The following TTLL11 variants were observed in gnomAD, a reference collection of about 807,000 sequenced individuals.
TTLL11 encodes the protein tubulin polyglutamylase TTLL11.
TTLL11 carries 42 observed loss-of-function variants against 51.7 expected under a neutral mutation model. The observed-to-expected ratio is 0.81, with a 90% CI of 0.64 to 1.05. The LOEUF is 1.05. TTLL11 is among the 50% of genes least tolerant of loss of function. The pLI is 0.00. For missense variants in TTLL11, 799 were observed against 940.4 expected, an observed-to-expected ratio of 0.85 and a Z score of 1.97; for synonymous variants, 381 against 383.5, an observed-to-expected ratio of 0.99 and a Z score of 0.08.
At chr9:122,042,190 T>C (rs751614513) in intron 1 of TTLL11, among the ~76,000 whole-genome samples, 1 of 152,208 alleles carries the variant, frequency 6.6e-6, no homozygotes, top group Non-Finnish European at 1.5e-5. Context: ...AATTCTTGTA[T>C]TTTTAGTAGA....
At chr9:121,953,239 G>A (rs545968368) in intron 6 of TTLL11, among the ~76,000 whole-genome samples, 159 of 152,264 alleles carry the variant, frequency 1.0e-3, no homozygotes, top group African/African-American at 3.5e-3. Flanking sequence ...AAATGAGCAC[G>A]TCATAATTGA....
In TTLL11 at chr9:122,089,395, T is replaced by C. The variant is rs551158039; in HGVS notation, c.462+3292A>G. On this transcript the variant is annotated intron_variant, in intron 1 of 8. Coordinates refer to ENST00000321582, the MANE Select transcript of TTLL11 (RefSeq NM_001139442.2). ...TCATCCAATATCACCTCATAACAGA[T>C]GGGGAAAGGCAGGCATAAGAAAGGT... 1.3e-4 allele frequency among the ~76,000 whole-genome samples: 20 copies of C among 152,150 alleles called. 1 individual carries two copies. In the South Asian group the frequency reaches 4.1e-3, roughly 32 times the overall value.
intron 6 of TTLL11, among the ~76,000 whole-genome samples, chr9:121,936,328 A>G (rs536967592): frequency 6.6e-6 from 1 of 151,316 alleles, no homozygotes; most frequent in Non-Finnish European, 1.5e-5. Flanking sequence ...CAGTGGCTCG[A>G]TCACTGCTCA....
chr9:121,897,618 G>GCACACACACACACACACACACACACACA (rs745877337), intron 6 of TTLL11, among the ~76,000 whole-genome samples: 34 of 136,996 alleles, frequency 2.5e-4, no homozygotes, highest in East Asian at 1.4e-3. Flanking sequence ...TTCCCTCCAG[G>GCACACACACACACACACACACACACACA]CACACACACA....
chr9:121,843,599 G>T (rs1221308737), intron 8 of TTLL11, among the ~76,000 whole-genome samples: 1 of 152,066 alleles, frequency 6.6e-6, no homozygotes, highest in South Asian at 2.1e-4. Flanking sequence ...AACCATTTTG[G>T]AATATGCCTA....
At chr9:122,077,277 T>C (rs915974009) in intron 1 of TTLL11, among the ~76,000 whole-genome samples, 3 of 152,136 alleles carry the variant, frequency 2.0e-5, no homozygotes, top group African/African-American at 7.2e-5. Context: ...ACGCCTAATT[T>C]GTGAAGTTCA....
intron 6 of TTLL11, among the ~76,000 whole-genome samples, chr9:121,891,547 A>T (rs1391819985): frequency 1.3e-5 from 2 of 152,040 alleles, no homozygotes; most frequent in African/African-American, 4.8e-5. Context: ...CCCAGAAAAA[A>T]TCCCTGTCCT....
chr9:121,862,843 C>T (rs7859759), intron 7 of TTLL11, among the ~76,000 whole-genome samples: 2,943 of 152,310 alleles, frequency 0.019, 67 homozygotes, highest in African/African-American at 0.066. Context: ...TTCCCATTTG[C>T]CATTATCCCT....
At chr9:122,068,836 G>A (rs559615819) in intron 1 of TTLL11, among the ~76,000 whole-genome samples, 1 of 152,294 alleles carries the variant, frequency 6.6e-6, no homozygotes, top group East Asian at 1.9e-4. Context: ...AGTGGGATGG[G>A]ACAGAAGTGA....
At chr9:122,020,622 C>T (rs62574015) in intron 3 of TTLL11, among the ~76,000 whole-genome samples, 2,627 of 152,326 alleles carry the variant, frequency 0.017, 32 homozygotes, top group Non-Finnish European at 0.028. Context: ...TGTTCCCACC[C>T]CACCTCTGCA....
chr9:121,939,186 T>A (rs780967329), intron 6 of TTLL11, among the ~76,000 whole-genome samples: 2 of 152,172 alleles, frequency 1.3e-5, no homozygotes, highest in African/African-American at 2.4e-5. Flanking sequence ...ATATTTCCTT[T>A]AATAAACCCT....
intron 8 of TTLL11, among the ~76,000 whole-genome samples, chr9:121,840,105 C>T (rs1294159439): frequency 2.9e-5 from 4 of 137,934 alleles, no homozygotes; most frequent in African/African-American, 1.0e-4. Context: ...TCACCCAAAA[C>T]ATTAACATGC....
rs541825784 is a variant in TTLL11, at chr9:121,821,402, T to C, written c.*1185A>G. ...TGCACCTCGCTTGGAGCACGATGACTGACTCTTCCCAGGTTCCTCAGCATC... is the reference window on the plus strand; with the variant it reads ...TGCACCTCGCTTGGAGCACGATGACCGACTCTTCCCAGGTTCCTCAGCATC... On this transcript the variant is annotated 3_prime_UTR_variant, in exon 9 of 9. Transcript: ENST00000321582. This position sits in a 1 kb window ranked among gnomAD's most constrained non-coding sequence, Gnocchi z 5.0. Among the ~76,000 whole-genome samples the C allele has an allele frequency of 2.6e-4, 39 of 152,262 alleles. 1 individual carries two copies. The highest frequency in any genetic ancestry group is 8.7e-4 in the African/African-American group (36 of 41,554).
chr9:122,024,860 TG>T (rs1844281319), intron 3 of TTLL11, among the ~76,000 whole-genome samples: 1 of 152,114 alleles, frequency 6.6e-6, no homozygotes, highest in Non-Finnish European at 1.5e-5. Flanking sequence ...TTTGTGAGCT[TG>T]GGTTAGATAT....
rs375096501 is a variant in TTLL11, at chr9:122,005,413, C to T, written c.694-15643G>A. 1.1e-4 allele frequency among the ~76,000 whole-genome samples: 17 copies of T among 152,216 alleles called. No homozygotes were observed. The East Asian group carries it at 1.4e-3, about 12-fold the overall frequency. On this transcript the variant is annotated intron_variant, in intron 3 of 8. Transcript: ENST00000321582. ...CGATGGAGGCATCTGTATGAATAAC[C>T]CCATTGATAATTCTGCTCAGGGCTT...
chr9:121,984,363 T>A (rs1842895709), intron 4 of TTLL11, among the ~76,000 whole-genome samples: 1 of 152,204 alleles, frequency 6.6e-6, no homozygotes. Context: ...AAACTGTCAT[T>A]TATTAAGTGA....
intron 1 of TTLL11, among the ~76,000 whole-genome samples, chr9:122,074,270 T>C (rs1448900934): frequency 1.4e-5 from 2 of 145,274 alleles, no homozygotes; most frequent in Non-Finnish European, 3.0e-5. Context: ...CAAGGCTTCA[T>C]CTCAATTAAA....
chr9:122,054,377 T>G (rs1442352924), intron 1 of TTLL11, among the ~76,000 whole-genome samples: 2 of 152,174 alleles, frequency 1.3e-5, no homozygotes, highest in African/African-American at 2.4e-5. Flanking sequence ...TTATTTATTC[T>G]GCTATCTAAT....
chr9:121,988,998 G>T, intron 4 of TTLL11, 197 bp downstream of exon 4: 1 of 1,348,786 alleles, frequency 7.4e-7, no homozygotes, highest in African/African-American at 1.5e-5. Flanking sequence ...AGGGGAAGTA[G>T]CTTGCCCCAA....
Sources: gnomAD v4.1 joint callset for allele counts (sites outside exome capture counted in the v4.1 genomes callset) on GRCh38, gnomAD v4.1.1 for gene constraint, Gnocchi (gnomAD v3.1) non-coding constraint, MANE v1.5 for transcripts, NCBI Gene and HGNC (gene_info 2026-07-23, HGNC 2026-07-21) for gene names.